IFNAR1: variants seen among roughly 807,000 people sequenced by gnomAD.
IFNAR1 encodes interferon alpha/beta receptor 1.
Under a neutral mutation model 62.1 loss-of-function variants are expected in IFNAR1, and 47 were observed. The observed-to-expected ratio is 0.76, with a 90% confidence interval of 0.60 to 0.97. The LOEUF (loss-of-function observed/expected upper bound fraction) is 0.97. IFNAR1 is among the 50% of genes least tolerant of loss of function. The pLI is 0.00. For missense variants in IFNAR1, 638 were observed against 654.5 expected (o/e 0.97, Z 0.27); for synonymous variants, 219 against 226.9 (o/e 0.97, Z 0.31).
intron 1 of IFNAR1, among the ~76,000 whole-genome samples, chr21:33,325,731 T>G (rs1413175308): frequency 6.6e-6 from 1 of 152,198 alleles, no homozygotes; most frequent in Non-Finnish European, 1.5e-5. Context: ...AGGAAGGCAG[T>G]AAGGCAAATA....
intron 6 of IFNAR1, among the ~76,000 whole-genome samples, chr21:33,348,623 G>A (rs1368248334): frequency 3.3e-5 from 5 of 152,032 alleles, no homozygotes; most frequent in East Asian, 3.8e-4. Context: ...CCAACATGAC[G>A]AAACCCCATC....
At position 33,358,569 on chromosome 21, in the gene IFNAR1, G is replaced by C. The variant is rs1160837359; in HGVS notation, c.*3020G>C. 1 of 151,752 alleles carries C rather than the reference G, an allele frequency of 6.6e-6. No individual in the cohort carries two copies. Among genetic ancestry groups the C allele is most frequent in the African/African-American group, 2.4e-5 (1 of 41,250 alleles). 9.4% of individuals were successfully genotyped at this position (151,752 alleles called of 1,614,324 possible). On this transcript the variant is annotated 3_prime_UTR_variant, in exon 11 of 11. Coordinates refer to ENST00000270139, the MANE Select transcript of IFNAR1 (RefSeq NM_000629.3). ...CCTGCACATGTACCCACCTGATGTA[G>C]GTCTTATTCCTTTAGTATGGACTTA... is the stretch of plus-strand genomic sequence containing the variant.
chr21:33,331,328 C>T (rs115290378), intron 1 of IFNAR1, among the ~76,000 whole-genome samples: 397 of 152,260 alleles, frequency 2.6e-3, no homozygotes, highest in African/African-American at 9.1e-3. Flanking sequence ...CCACCCAGAG[C>T]AGTCACACTC....
At chr21:33,353,102 G>A (rs1220378210) in intron 9 of IFNAR1, among the ~76,000 whole-genome samples, 194 bp downstream of exon 9, 2 of 152,156 alleles carry the variant, frequency 1.3e-5, no homozygotes, top group African/African-American at 2.4e-5. Flanking sequence ...TCTCAAGTCG[G>A]TGTTGTTGGA....
intron 6 of IFNAR1, among the ~76,000 whole-genome samples, chr21:33,346,272 G>A (rs1270565801): frequency 6.6e-6 from 1 of 152,148 alleles, no homozygotes; most frequent in Non-Finnish European, 1.5e-5. Flanking sequence ...GAGGAGTAGA[G>A]AGAGCAAAGG....
Position 33,349,695 on chromosome 21 carries a change from C to T in IFNAR1, c.1143+152C>T, listed in dbSNP as rs1428352180. 8.4e-6 allele frequency: 5 copies of T among 597,698 alleles called. No homozygotes were observed. In the Admixed American group the frequency reaches 9.8e-5, roughly 12 times the overall value. The allele number at this position is 597,698 out of a possible 1,614,324, so 37.0% of individuals were successfully genotyped here. ...ATCCCAGCACTTCAGGAGGCCAAGGCGAGAGGATCACTTGAGCCTAAGGGT... is the reference window on the plus strand; with the variant it reads ...ATCCCAGCACTTCAGGAGGCCAAGGTGAGAGGATCACTTGAGCCTAAGGGT... On this transcript the variant is annotated intron_variant, in intron 8 of 10. Transcript: ENST00000270139.
chr21:33,352,298 A>G (rs188012345), intron 8 of IFNAR1, among the ~76,000 whole-genome samples: 1 of 152,280 alleles, frequency 6.6e-6, no homozygotes, highest in Admixed American at 6.5e-5. Context: ...TGATTTGGTT[A>G]TAGTGGTGTA....
At chr21:33,345,434 C>G (rs1407808141) in intron 6 of IFNAR1, 74 bp downstream of exon 6, 2 of 815,978 alleles carry the variant, frequency 2.5e-6, no homozygotes, top group East Asian at 5.0e-5. Context: ...GCATCAGTCA[C>G]CAGGTCCTTG....
At position 33,353,702 on chromosome 21, in the gene IFNAR1, C is replaced by T. The variant is rs2083420284; in HGVS notation, c.1359C>T (p.Val453=). The T allele has an allele frequency of 6.3e-7, 1 of 1,587,614 alleles. No individual in the cohort carries two copies. Among genetic ancestry groups the T allele is most frequent in the Non-Finnish European group, 8.6e-7 (1 of 1,169,232 alleles). The change falls in exon 10 of 11, where the codon GTC becomes GTT. Residue 453 remains valine (V), a synonymous_variant. Transcript: ENST00000270139. ...ICIALFALPF[V]IYAAKVFLRC... is the part of the protein sequence containing the mutation. ...TTGCATTATTTGCTCTCCCGTTTGT[C>T]ATTTATGCTGCGAAAGTCTTCTTGA...
intron 2 of IFNAR1, among the ~76,000 whole-genome samples, chr21:33,337,525 A>G (rs1232655615): frequency 1.3e-5 from 2 of 152,166 alleles, no homozygotes; most frequent in Admixed American, 6.5e-5. Context: ...CTTCAGCCAC[A>G]GCTGTGACAC....
chr21:33,325,214 G>A, intron 1 of IFNAR1, 83 bp downstream of exon 1: 1 of 1,176,748 alleles, frequency 8.5e-7, no homozygotes, highest in Non-Finnish European at 1.2e-6. Context: ...TGCTGTTGGG[G>A]GCGACAGACG....
At chr21:33,335,477 T>C (rs1482491297) in intron 1 of IFNAR1, 47 bp from the exon 2 acceptor site, 1 of 1,114,510 alleles carries the variant, frequency 9.0e-7, no homozygotes, top group Non-Finnish European at 1.3e-6. Flanking sequence ...ATTTAGAATA[T>C]CTGTACAGTT....
chr21:33,324,901 G>GTGTGTGTGTGTGTGTGTT, upstream of IFNAR1: 1 of 647,474 alleles, frequency 1.5e-6, no homozygotes, highest in Non-Finnish European at 2.7e-6. Flanking sequence ...CGGTGTGTGT[G>GTGTGTGTGTGTGTGTGTT]TCAGAAGAGG....
rs1261699070 is a variant in IFNAR1, at chr21:33,355,523, G to A, written c.1648G>A (p.Glu550Lys). The A allele has an allele frequency of 1.3e-6, 2 of 1,596,722 alleles. No homozygotes were observed. Among genetic ancestry groups the A allele is most frequent in the Non-Finnish European group, 1.7e-6 (2 of 1,172,132 alleles). ...AGATGAAAGCGAAAGTAAAACAAGT[G>A]AAGAACTACAGCAGGACTTTGTATG... Reference protein sequence around the residue: ...NEDESESKTSEELQQDFV With the variant: ...NEDESESKTSKELQQDFV The change falls in exon 11 of 11, where the codon GAA becomes AAA. Residue 550 changes from glutamate to lysine, a missense_variant. Physicochemically the swap from Glu to Lys is moderately conservative, Grantham distance 56. Coordinates refer to ENST00000270139, the MANE Select transcript of IFNAR1 (RefSeq NM_000629.3).
chr21:33,324,921 C>A (rs1555873680), upstream of IFNAR1: 1 of 676,002 alleles, frequency 1.5e-6, no homozygotes, highest in South Asian at 1.8e-5. Context: ...GCGGCGCGTG[C>A]GTAGAGGGGC....
upstream of IFNAR1, chr21:33,324,660 A>G (rs553256694): frequency 1.0e-5 from 2 of 195,666 alleles, no homozygotes; most frequent in South Asian, 2.1e-4. Context: ...GATCCTGTGA[A>G]GGTCAAGGCC....
intron 1 of IFNAR1, among the ~76,000 whole-genome samples, chr21:33,327,090 T>C (rs2083133634): frequency 6.6e-6 from 1 of 152,158 alleles, no homozygotes; most frequent in South Asian, 2.1e-4. Context: ...CTCAAACTTT[T>C]CCACAAATAT....
At chr21:33,351,997 CATT>C (rs775496483) in intron 8 of IFNAR1, among the ~76,000 whole-genome samples, 2 of 151,932 alleles carry the variant, frequency 1.3e-5, no homozygotes, top group African/African-American at 2.4e-5. Context: ...GCTTGTTAGA[CATT>C]ATTCTGGCGA....
intron 5 of IFNAR1, among the ~76,000 whole-genome samples, chr21:33,344,580 A>G (rs1392815834): frequency 6.6e-6 from 1 of 152,080 alleles, no homozygotes; most frequent in Non-Finnish European, 1.5e-5. Flanking sequence ...GATTTATGTA[A>G]GCATATACAC....
Sources: gnomAD v4.1 joint callset for allele counts (sites outside exome capture counted in the v4.1 genomes callset) on GRCh38, gnomAD v4.1.1 for gene constraint, MANE v1.5 for transcripts, NCBI Gene and HGNC (gene_info 2026-07-23, HGNC 2026-07-21) for gene names.